Variants in NPEPPS observed in about 807,000 individuals in gnomAD.
NPEPPS encodes puromycin-sensitive aminopeptidase.
NPEPPS carries 14 observed loss-of-function variants against 115.5 expected under a neutral mutation model. That is an observed-to-expected ratio of 0.12 (90% CI 0.08 to 0.19). The LOEUF (loss-of-function observed/expected upper bound fraction) is 0.19, where lower values mean the gene tolerates loss of function less well. NPEPPS is among the 10% of genes least tolerant of loss of function. NPEPPS has a pLI of 1.00. For synonymous variants in NPEPPS, 285 were observed against 390.6 expected (o/e 0.73, Z 3.19); for missense variants, 523 against 1,110.8 (o/e 0.47, Z 7.52).
chr17:47,559,644 A>G (rs1910299653), intron 2 of NPEPPS: 1 of 455,738 alleles, frequency 2.2e-6, no homozygotes, highest in Admixed American at 2.4e-5. Context: ...AAGTTTAATC[A>G]CATTCCACTT....
At chr17:47,593,299 C>T (rs1912629579) in intron 12 of NPEPPS, among the ~76,000 whole-genome samples, 1 of 152,010 alleles carries the variant, frequency 6.6e-6, no homozygotes, top group East Asian at 1.9e-4. Flanking sequence ...TGGTGGCTCA[C>T]GCCTGTAATC....
At chr17:47,585,975 T>C in intron 6 of NPEPPS, 173 bp from the exon 7 acceptor site, 1 of 570,762 alleles carries the variant, frequency 1.8e-6, no homozygotes, top group African/African-American at 1.9e-5. Context: ...GATTAAAGTT[T>C]GGCCATTGTA....
chr17:47,535,300 C>G, intron 1 of NPEPPS, among the ~76,000 whole-genome samples: 1 of 144,190 alleles, frequency 6.9e-6, no homozygotes, highest in South Asian at 2.2e-4. Context: ...GCCTGTAATC[C>G]CAGCACTTTG....
rs778787909 is a variant in NPEPPS at position 47,612,619 on chromosome 17, A to G, written c.2238+17A>G. 6.2e-7 allele frequency: 1 copy of G among 1,611,044 alleles called. No individual in the cohort carries two copies. On this transcript the variant is annotated intron_variant, in intron 18 of 22. Transcript: ENST00000322157. Reference sequence around the variant, plus strand: ...AGGAGTCCTGTAGGTTTTCATCATAAATTCCCTTGACTTATAGGTAACATC... The same window carrying G: ...AGGAGTCCTGTAGGTTTTCATCATAGATTCCCTTGACTTATAGGTAACATC...
At chr17:47,551,968 T>TTC (rs1909681134) in intron 2 of NPEPPS, among the ~76,000 whole-genome samples, 2 of 125,820 alleles carry the variant, frequency 1.6e-5, no homozygotes, top group Admixed American at 8.6e-5. Flanking sequence ...ATTTCTTTCT[T>TTC]TTTTTTTTTT....
chr17:47,538,092 C>T lies in NPEPPS; in HGVS notation c.255+6537C>T, dbSNP rs533513809. Among the ~76,000 whole-genome samples, 118 of 151,348 alleles carry T rather than the reference C, an allele frequency of 7.8e-4. 1 individual carries two copies. The highest frequency in any genetic ancestry group is 2.8e-3 in the African/African-American group (114 of 41,272). On this transcript the variant is annotated intron_variant, in intron 1 of 22. Coordinates refer to ENST00000322157, the MANE Select transcript of NPEPPS (RefSeq NM_006310.4). ...ATTTTTAGTAGAGACAGGGTTTCACCATGTTGGCCAGGCTGGTCTTGAACT... is the reference window on the plus strand; with the variant it reads ...ATTTTTAGTAGAGACAGGGTTTCACTATGTTGGCCAGGCTGGTCTTGAACT...
intron 12 of NPEPPS, among the ~76,000 whole-genome samples, chr17:47,594,275 T>C (rs1263648413): frequency 2.0e-5 from 3 of 152,228 alleles, no homozygotes; most frequent in Non-Finnish European, 1.5e-5. Context: ...ACTATAGATA[T>C]TATAAATACT....
At chr17:47,534,473 T>G (rs1908051546) in intron 1 of NPEPPS, among the ~76,000 whole-genome samples, 1 of 152,238 alleles carries the variant, frequency 6.6e-6, no homozygotes, top group African/African-American at 2.4e-5. Flanking sequence ...TGCAAGTTGC[T>G]TAGTTGCTTT....
intron 2 of NPEPPS, among the ~76,000 whole-genome samples, chr17:47,550,748 T>A (rs1458564128): frequency 1.3e-4 from 20 of 151,534 alleles, no homozygotes; most frequent in Non-Finnish European, 2.1e-4. Flanking sequence ...TGCCTCAGCC[T>A]CCCGAGTAGC....
chr17:47,538,398 G>T (rs1908485444), intron 1 of NPEPPS, among the ~76,000 whole-genome samples: 1 of 149,252 alleles, frequency 6.7e-6, no homozygotes, highest in African/African-American at 2.5e-5. Context: ...TATTTTTCTA[G>T]AGACCAGGTT....
chr17:47,567,968 A>C (rs1273197266), intron 2 of NPEPPS, among the ~76,000 whole-genome samples: 1 of 152,092 alleles, frequency 6.6e-6, no homozygotes, highest in Non-Finnish European at 1.5e-5. Context: ...GAACATTTGT[A>C]TACAAACATT....
chr17:47,601,220 G>A (rs912246608), intron 14 of NPEPPS, among the ~76,000 whole-genome samples: 1 of 151,840 alleles, frequency 6.6e-6, no homozygotes, highest in African/African-American at 2.4e-5. Context: ...GGGCGACAGA[G>A]CAAAACTCTG....
At chr17:47,579,930 CGTGTGTGT>C (rs10591746) in intron 4 of NPEPPS, 1,753 of 146,592 alleles carry the variant, frequency 0.012, 11 homozygotes, top group Non-Finnish European at 0.016. Context: ...TTTTTTTCTC[CGTGTGTGT>C]GTGTGTGTGT....
chr17:47,604,521 G>A (rs1185398382), intron 16 of NPEPPS, among the ~76,000 whole-genome samples: 2 of 152,170 alleles, frequency 1.3e-5, no homozygotes, highest in South Asian at 2.1e-4. Context: ...ATTTAAAGCA[G>A]CAATTAGTAT....
intron 19 of NPEPPS, among the ~76,000 whole-genome samples, chr17:47,616,023 C>G (rs922236070): frequency 3.3e-5 from 5 of 152,098 alleles, no homozygotes; most frequent in Admixed American, 2.6e-4. Flanking sequence ...ATCTAGTGGA[C>G]TAGAATAACA....
intron 17 of NPEPPS, 78 bp downstream of exon 17, chr17:47,605,630 C>T (rs1913468197): frequency 3.4e-6 from 3 of 878,006 alleles, no homozygotes. Context: ...TAATTAATAT[C>T]ATCTTTGTAT....
intron 1 of NPEPPS, 95 bp from the exon 2 acceptor site, chr17:47,545,814 T>C: frequency 6.8e-7 from 1 of 1,473,182 alleles, no homozygotes; most frequent in Non-Finnish European, 9.2e-7. Context: ...CCCAAAGTGC[T>C]GGGATTACAG....
At chr17:47,573,516 G>A (rs1310324638) in intron 3 of NPEPPS, among the ~76,000 whole-genome samples, 1 of 152,212 alleles carries the variant, frequency 6.6e-6, no homozygotes, top group Admixed American at 6.5e-5. Flanking sequence ...GGATGGATTA[G>A]CTAAAGCATG....
chr17:47,552,804 A>G (rs1236281559), intron 2 of NPEPPS, among the ~76,000 whole-genome samples: 3 of 152,178 alleles, frequency 2.0e-5, no homozygotes, highest in Non-Finnish European at 4.4e-5. Flanking sequence ...TTTAATAGTG[A>G]TAATTATAAA....
Sources: allele counts gnomAD v4.1 joint callset (sites outside exome capture counted in the v4.1 genomes callset), GRCh38; gene constraint gnomAD v4.1.1; transcripts MANE v1.5; gene names NCBI Gene and HGNC (gene_info 2026-07-23, HGNC 2026-07-21).